Variants in DPP10 observed in about 807,000 individuals in gnomAD.
DPP10 encodes the protein inactive dipeptidyl peptidase 10.
In DPP10, 33 loss-of-function variants were observed where a neutral mutation model predicts 120.9. The observed-to-expected ratio is 0.27, with a 90% CI of 0.21 to 0.37. The LOEUF (loss-of-function observed/expected upper bound fraction) is 0.37, where lower values mean the gene tolerates loss of function less well. DPP10 is among the 10% of genes least tolerant of loss of function. The pLI, the probability that DPP10 is intolerant of heterozygous loss-of-function variation, is 1.00. For synonymous variants in DPP10, 337 were observed against 326.1 expected (o/e 1.03, Z -0.36); for missense variants, 816 against 942.8 (o/e 0.87, Z 1.76).
chr2:115,071,002 T>A (rs1295968361), intron 1 of DPP10, among the ~76,000 whole-genome samples: 1 of 152,182 alleles, frequency 6.6e-6, no homozygotes, highest in African/African-American at 2.4e-5. Flanking sequence ...TTAATATTTA[T>A]GAAGGACAAA....
chr2:115,285,655 C>G (rs765024612), intron 1 of DPP10, among the ~76,000 whole-genome samples: 3 of 152,028 alleles, frequency 2.0e-5, no homozygotes, highest in Non-Finnish European at 4.4e-5. Flanking sequence ...GTTCAGTCCT[C>G]CTTTCTGGCT....
In DPP10 at chr2:115,040,258, A is replaced by T. The variant is rs112957441; in HGVS notation, c.61-268981A>T. 2.1e-3 allele frequency among the ~76,000 whole-genome samples: 320 copies of T among 151,890 alleles called. 2 individuals are homozygous for T. The highest frequency in any genetic ancestry group is 3.8e-3 in the Non-Finnish European group (256 of 67,974). The stretch of plus-strand genomic sequence containing the variant: ...ACCAGGTGATCACAGAAAACCAAAA[A>T]AGAGTAGGAATATTTAATGTAGACA... On this transcript the variant is annotated intron_variant, in intron 1 of 25. Coordinates refer to ENST00000410059, the MANE Select transcript of DPP10 (RefSeq NM_020868.6).
intron 7 of DPP10, among the ~76,000 whole-genome samples, 177 bp from the exon 8 acceptor site, chr2:115,727,639 A>G (rs1212398881): frequency 6.6e-6 from 1 of 152,194 alleles, no homozygotes; most frequent in Non-Finnish European, 1.5e-5. Context: ...TTGATACAAT[A>G]AAACAGAAAA....
intron 1 of DPP10, among the ~76,000 whole-genome samples, chr2:115,222,220 G>T (rs1225279787): frequency 1.3e-5 from 2 of 152,046 alleles, no homozygotes; most frequent in African/African-American, 4.8e-5. Flanking sequence ...TCACCCAAAG[G>T]TACTAAAATA....
At chr2:114,837,196 A>C (rs948035245) in intron 1 of DPP10, among the ~76,000 whole-genome samples, 1 of 152,180 alleles carries the variant, frequency 6.6e-6, no homozygotes, top group African/African-American at 2.4e-5. Flanking sequence ...TGTCCATGAA[A>C]TCTTCACAAT....
chr2:115,413,233 C>A (rs529835819), intron 3 of DPP10, among the ~76,000 whole-genome samples: 2 of 152,126 alleles, frequency 1.3e-5, no homozygotes, highest in Non-Finnish European at 2.9e-5. Context: ...AAAAACTCTG[C>A]CCCACAGGTT....
At chr2:115,525,031 T>C (rs536597782) in intron 4 of DPP10, among the ~76,000 whole-genome samples, 10 of 152,268 alleles carry the variant, frequency 6.6e-5, no homozygotes, top group African/African-American at 2.2e-4. Flanking sequence ...TTCTGGACTT[T>C]ATAGAGAGCA....
chr2:115,043,085 T>A (rs1472044664), intron 1 of DPP10, among the ~76,000 whole-genome samples: 1 of 152,204 alleles, frequency 6.6e-6, no homozygotes, highest in Non-Finnish European at 1.5e-5. Flanking sequence ...GGAATATATT[T>A]AAGCCTTTAC....
chr2:115,521,319 A>G (rs1051800313), intron 4 of DPP10, among the ~76,000 whole-genome samples: 6 of 152,192 alleles, frequency 3.9e-5, no homozygotes, highest in African/African-American at 1.4e-4. Flanking sequence ...ACTTTCATCT[A>G]TTACTCTGTA....
At chr2:115,666,242 G>A (rs950340245) in intron 5 of DPP10, among the ~76,000 whole-genome samples, 2 of 152,034 alleles carry the variant, frequency 1.3e-5, no homozygotes, top group Non-Finnish European at 2.9e-5. Context: ...TAAAGGAAAG[G>A]GGTTTAATTG....
intron 5 of DPP10, among the ~76,000 whole-genome samples, chr2:115,603,312 G>A (rs2083462377): frequency 2.6e-5 from 4 of 151,344 alleles, no homozygotes; most frequent in Non-Finnish European, 4.4e-5. Context: ...CTTGGAACAG[G>A]TGGGCGCACA....
chr2:115,738,101 C>T (rs1299458035), intron 8 of DPP10, among the ~76,000 whole-genome samples: 2 of 152,178 alleles, frequency 1.3e-5, no homozygotes, highest in Non-Finnish European at 2.9e-5. Flanking sequence ...TTTGTCCAAA[C>T]ATTCTTATCC....
At chr2:115,243,043 G>T (rs950855493) in intron 1 of DPP10, among the ~76,000 whole-genome samples, 1 of 152,108 alleles carries the variant, frequency 6.6e-6, no homozygotes, top group South Asian at 2.1e-4. Context: ...ATACACACAC[G>T]TGTGCACCTA....
chr2:115,800,536 C>A (rs560486501), intron 19 of DPP10, among the ~76,000 whole-genome samples: 1 of 152,174 alleles, frequency 6.6e-6, no homozygotes, highest in Admixed American at 6.5e-5. Flanking sequence ...ATGGTGTTGC[C>A]TAGGTTTTCT....
At chr2:115,419,862 A>G (rs2069778130) in intron 3 of DPP10, among the ~76,000 whole-genome samples, 1 of 152,168 alleles carries the variant, frequency 6.6e-6, no homozygotes, top group African/African-American at 2.4e-5. Flanking sequence ...AATTAGAAAT[A>G]GGGCACTACT....
At chr2:115,055,376 GT>G (rs1705819622) in intron 1 of DPP10, among the ~76,000 whole-genome samples, 1 of 152,084 alleles carries the variant, frequency 6.6e-6, no homozygotes, top group South Asian at 2.1e-4. Context: ...GAAATGTTTT[GT>G]TGTTTTGAAT....
chr2:115,276,498 A>C (rs538509172), intron 1 of DPP10, among the ~76,000 whole-genome samples: 1 of 152,270 alleles, frequency 6.6e-6, no homozygotes, highest in Admixed American at 6.5e-5. Flanking sequence ...ACCTAAAACC[A>C]CTCATCCTAG....
intron 1 of DPP10, among the ~76,000 whole-genome samples, chr2:115,198,727 T>C (rs980749022): frequency 6.6e-5 from 10 of 152,116 alleles, no homozygotes; most frequent in Non-Finnish European, 5.9e-5. Context: ...AGACTTAAGA[T>C]CAGTGAAGAA....
chr2:114,591,474 G>T (rs1211596864), intron 1 of DPP10, among the ~76,000 whole-genome samples: 1 of 151,594 alleles, frequency 6.6e-6, no homozygotes, highest in Non-Finnish European at 1.5e-5. Flanking sequence ...CATTAGCAAA[G>T]GTCAAATCCC....
Sources: allele counts gnomAD v4.1 joint callset (sites outside exome capture counted in the v4.1 genomes callset), GRCh38; gene constraint gnomAD v4.1.1; transcripts MANE v1.5; gene names NCBI Gene and HGNC (gene_info 2026-07-23, HGNC 2026-07-21).